MCC: variants seen among roughly 807,000 people sequenced by gnomAD.
MCC encodes colorectal mutant cancer protein.
Under a neutral mutation model 116.2 loss-of-function variants are expected in MCC, and 90 were observed. That is an observed-to-expected ratio of 0.77 (90% confidence interval 0.65 to 0.92). The LOEUF is 0.92. Among genes scored for constraint, MCC ranks in the 40% least tolerant of loss-of-function variants. The pLI, the probability that MCC is intolerant of heterozygous loss-of-function variation, is 0.00. For missense variants in MCC, 1,516 were observed against 1,312.2 expected, an observed-to-expected ratio of 1.16 and a Z score of -2.40; for synonymous variants, 578 against 510.5, an observed-to-expected ratio of 1.13 and a Z score of -1.78.
intron 14 of MCC, among the ~76,000 whole-genome samples, chr5:113,059,936 T>A (rs1020050998): frequency 6.6e-6 from 1 of 152,186 alleles, no homozygotes. Context: ...CTCTCCACCA[T>A]GCCCCACCTC....
rs112197918 is a variant in MCC at position 113,223,076 on chromosome 5, C to T, written c.628-71654G>A. 5.8e-3 allele frequency among the ~76,000 whole-genome samples: 879 copies of T among 152,268 alleles called. 5 individuals carry two copies. Among genetic ancestry groups the T allele is most frequent in the African/African-American group, 0.019 (809 of 41,548 alleles). On this transcript the variant is annotated intron_variant, in intron 3 of 18. Coordinates refer to ENST00000408903, the MANE Select transcript of MCC (RefSeq NM_001085377.2). ...TCCCAGGCAGCCAGGACTTCATTGA[C>T]AGGGACGGTGACACACGTATAAAAA...
chr5:113,316,748 C>T (rs1275294972), intron 3 of MCC, among the ~76,000 whole-genome samples: 1 of 152,108 alleles, frequency 6.6e-6, no homozygotes, highest in Non-Finnish European at 1.5e-5. Flanking sequence ...GAGGGTAAAC[C>T]AAACTGCTCC....
chr5:113,318,718 A>G (rs1188140183), intron 3 of MCC, among the ~76,000 whole-genome samples: 1 of 152,124 alleles, frequency 6.6e-6, no homozygotes, highest in Non-Finnish European at 1.5e-5. Flanking sequence ...ATCAGGAAAA[A>G]CAACTAATGA....
intron 3 of MCC, among the ~76,000 whole-genome samples, chr5:113,161,754 C>T (rs1292644547): frequency 6.6e-6 from 1 of 152,094 alleles, no homozygotes; most frequent in Non-Finnish European, 1.5e-5. Context: ...CACATGCTTC[C>T]AGACTTCTAA....
chr5:113,112,653 C>A (rs1371069428), intron 6 of MCC, among the ~76,000 whole-genome samples: 1 of 152,150 alleles, frequency 6.6e-6, no homozygotes, highest in Non-Finnish European at 1.5e-5. Context: ...GGAAGCCTTC[C>A]CAGCCCTTTG....
chr5:113,050,514 AG>A (rs1752418980), intron 15 of MCC, among the ~76,000 whole-genome samples: 1 of 152,210 alleles, frequency 6.6e-6, no homozygotes, highest in South Asian at 2.1e-4. Flanking sequence ...ACCCCTCGAA[AG>A]GGACATTAGT....
intron 14 of MCC, 114 bp from the exon 15 acceptor site, chr5:113,054,073 G>T: frequency 2.7e-6 from 2 of 733,778 alleles, no homozygotes; most frequent in South Asian, 3.6e-5. Flanking sequence ...TATTTAGATG[G>T]TAATCCAAAA....
chr5:113,468,234 G>A (rs1249334303), intron 1 of MCC, among the ~76,000 whole-genome samples: 1 of 152,190 alleles, frequency 6.6e-6, no homozygotes, highest in Non-Finnish European at 1.5e-5. Context: ...TAGGAGTGGT[G>A]AGAGAGGGCA....
Position 113,143,341 on chromosome 5 carries a change from A to G in MCC, c.761T>C (p.Met254Thr). ...AKAQCEQSHL[M>T]REHEDVQERT... ...CTCCTGGACATCCTCATGCTCTCTC[A>G]TGAGGTGGGACTGCTCGCACTGGGA... The change falls in exon 5 of 19, where the codon ATG becomes ACG. Residue 254 changes from methionine to threonine, a missense_variant. Coordinates refer to ENST00000408903, the MANE Select transcript of MCC (RefSeq NM_001085377.2). 6.2e-7 allele frequency: 1 copy of G among 1,612,828 alleles called. No individual in the cohort carries two copies. The highest frequency in any genetic ancestry group is 1.1e-5 in the South Asian group (1 of 91,006).
At chr5:113,354,628 T>C (rs1768365013) in intron 2 of MCC, among the ~76,000 whole-genome samples, 1 of 151,690 alleles carries the variant, frequency 6.6e-6, no homozygotes, top group Admixed American at 6.6e-5. Context: ...AGAGACGGGG[T>C]TTCACCATGT....
chr5:113,428,102 G>A (rs1405021112), intron 1 of MCC, among the ~76,000 whole-genome samples: 3 of 152,114 alleles, frequency 2.0e-5, no homozygotes, highest in Non-Finnish European at 2.9e-5. Flanking sequence ...GACTGGAAAC[G>A]TAGGGCATTT....
At chr5:113,091,754 G>A (rs969962179) in intron 8 of MCC, among the ~76,000 whole-genome samples, 3 of 152,056 alleles carry the variant, frequency 2.0e-5, no homozygotes, top group African/African-American at 4.8e-5. Flanking sequence ...GGAGTGGTGC[G>A]TGAGCCAGTA....
intron 3 of MCC, among the ~76,000 whole-genome samples, chr5:113,289,595 G>A (rs993699525): frequency 3.9e-5 from 6 of 152,028 alleles, no homozygotes; most frequent in East Asian, 1.9e-4. Context: ...CCTCTTTCTC[G>A]GAACCCAGCT....
intron 14 of MCC, among the ~76,000 whole-genome samples, chr5:113,059,084 G>A (rs1282514536): frequency 6.6e-6 from 1 of 152,036 alleles, no homozygotes; most frequent in Non-Finnish European, 1.5e-5. Context: ...TCCATGGCAG[G>A]CAGGGAAGGC....
At chr5:113,194,474 G>A (rs918411870) in intron 3 of MCC, among the ~76,000 whole-genome samples, 2 of 152,028 alleles carry the variant, frequency 1.3e-5, no homozygotes, top group African/African-American at 4.8e-5. Flanking sequence ...ATATCAGCCT[G>A]GGCAACAAAG....
At chr5:113,297,798 G>T (rs916151529) in intron 3 of MCC, among the ~76,000 whole-genome samples, 1 of 151,170 alleles carries the variant, frequency 6.6e-6, no homozygotes, top group Non-Finnish European at 1.5e-5. Flanking sequence ...AAATAGGAGG[G>T]GACAGGCAGA....
chr5:113,468,658 C>G (rs1383360000), intron 1 of MCC, among the ~76,000 whole-genome samples: 1 of 152,088 alleles, frequency 6.6e-6, no homozygotes, highest in Non-Finnish European at 1.5e-5. Flanking sequence ...TTGGTTGTGT[C>G]TCTGCCCGGC....
rs1767985564 is a variant in MCC at position 113,340,574 on chromosome 5, T to G, written c.572A>C (p.Gln191Pro). 1 of 1,614,170 alleles carries G rather than the reference T, an allele frequency of 6.2e-7. No homozygotes were observed. The highest frequency in any genetic ancestry group is 8.5e-7 in the Non-Finnish European group (1 of 1,180,020). ...QQAALHKLLT[Q>P]SPHIGNSVGG... ...TACAGAGTTGCCAATGTGCGGGGACTGTGTGAGCAGTTTGTGGAGAGCAGC... is the reference window on the plus strand; with the variant it reads ...TACAGAGTTGCCAATGTGCGGGGACGGTGTGAGCAGTTTGTGGAGAGCAGC... The change falls in exon 3 of 19, where the codon CAG becomes CCG. Residue 191 changes from glutamine to proline, a missense_variant. Transcript: ENST00000408903.
At chr5:113,090,270 A>C (rs1054233359) in intron 8 of MCC, among the ~76,000 whole-genome samples, 1 of 151,096 alleles carries the variant, frequency 6.6e-6, no homozygotes, top group African/African-American at 2.4e-5. Flanking sequence ...CGAAACAGGG[A>C]CTCCCATCTG....
Sources: allele counts gnomAD v4.1 joint callset (sites outside exome capture counted in the v4.1 genomes callset), GRCh38; gene constraint gnomAD v4.1.1; transcripts MANE v1.5; gene names NCBI Gene and HGNC (gene_info 2026-07-23, HGNC 2026-07-21).